MAP3K5: variants seen among roughly 807,000 people sequenced by gnomAD.
The protein encoded by MAP3K5 is mitogen-activated protein kinase kinase kinase 5.
In MAP3K5, 56 loss-of-function variants were observed where a neutral mutation model predicts 158.7. That is an observed-to-expected ratio of 0.35 (90% CI 0.28 to 0.44). The LOEUF is 0.44. Ranked by LOEUF, MAP3K5 falls within the 20% of genes least tolerant of loss-of-function variation. MAP3K5 has a pLI of 1.00. For synonymous variants in MAP3K5, 579 were observed against 601.7 expected (o/e 0.96, Z 0.55); for missense variants, 1,294 against 1,674.8 (o/e 0.77, Z 3.97).
At chr6:136,670,321 C>T (rs1779427790) in intron 7 of MAP3K5, among the ~76,000 whole-genome samples, 1 of 151,984 alleles carries the variant, frequency 6.6e-6, no homozygotes. Context: ...TATAATTTCA[C>T]TTAGGTATAT....
At position 136,697,380 on chromosome 6, in the gene MAP3K5, A is replaced by C. The variant is rs1478193524; in HGVS notation, c.814T>G (p.Phe272Val). Reference sequence around the variant, plus strand: ...ATGTCATTGAGTATAGATTCCCGGAAGTACTGGCTGGTAAAAACACACACA... The same window carrying C: ...ATGTCATTGAGTATAGATTCCCGGACGTACTGGCTGGTAAAAACACACACA... ...KVAQASSSQYFRESILNDIRK... is the reference protein window; with the variant it reads ...KVAQASSSQYVRESILNDIRK... Residue 272 changes from phenylalanine to valine, a missense_variant, in exon 5 of 30, where the codon TTC becomes GTC. Physicochemically the swap from Phe to Val is conservative, Grantham distance 50. This residue lies in a region of MAP3K5 where 690 missense variants were observed against 870.5 expected (regional missense o/e 0.79). Transcript: ENST00000359015. The C allele has an allele frequency of 1.2e-6, 2 of 1,601,232 alleles. No individual in the cohort carries two copies. The highest frequency in any genetic ancestry group is 1.7e-6 in the Non-Finnish European group (2 of 1,172,824).
chr6:136,735,589 G>A (rs2114848598), intron 1 of MAP3K5, among the ~76,000 whole-genome samples: 1 of 152,294 alleles, frequency 6.6e-6, no homozygotes, highest in Admixed American at 6.5e-5. Flanking sequence ...CCAGCACTTT[G>A]CGAGGCTGAG....
At chr6:136,606,217 G>A (rs1776094099) in intron 18 of MAP3K5, among the ~76,000 whole-genome samples, 1 of 152,160 alleles carries the variant, frequency 6.6e-6, no homozygotes, top group Non-Finnish European at 1.5e-5. Context: ...CGGGCTTGGT[G>A]GCGGGCACCT....
intron 1 of MAP3K5, among the ~76,000 whole-genome samples, chr6:136,760,790 C>T (rs183825713): frequency 5.3e-4 from 80 of 152,202 alleles, no homozygotes; most frequent in Admixed American, 1.0e-3. Flanking sequence ...GTCAATGTGT[C>T]GAAACCCTGT....
intron 18 of MAP3K5, among the ~76,000 whole-genome samples, chr6:136,608,788 G>A (rs1363656827): frequency 6.6e-6 from 1 of 152,192 alleles, no homozygotes; most frequent in Non-Finnish European, 1.5e-5. Flanking sequence ...AAAGCACTTA[G>A]TGCAGAGCAA....
chr6:136,718,131 C>T (rs531998825), intron 2 of MAP3K5, among the ~76,000 whole-genome samples: 2 of 152,186 alleles, frequency 1.3e-5, no homozygotes, highest in Admixed American at 6.5e-5. Flanking sequence ...CTTTGAGCTT[C>T]GGTTTGTGAT....
chr6:136,722,672 T>C (rs1781793910), intron 1 of MAP3K5, among the ~76,000 whole-genome samples: 1 of 140,392 alleles, frequency 7.1e-6, no homozygotes, highest in Non-Finnish European at 1.6e-5. Context: ...CTTTTTTTTT[T>C]CCTTTTTTTT....
rs1207200126 is a variant in MAP3K5 at position 136,558,348 on chromosome 6, C to T, written c.4064+452G>A. Among the ~76,000 whole-genome samples, 5 of 150,976 alleles carry T rather than the reference C, an allele frequency of 3.3e-5. No individual in the cohort carries two copies. In the South Asian group the frequency reaches 6.3e-4, roughly 19 times the overall value. ...GAGCTGAGATCACGCCACTGCACTCCAGCCTGGGTGACAGAGTGAGACTCC... is the reference window on the plus strand; with the variant it reads ...GAGCTGAGATCACGCCACTGCACTCTAGCCTGGGTGACAGAGTGAGACTCC... On this transcript the variant is annotated intron_variant, in intron 29 of 29. Coordinates refer to ENST00000359015, the MANE Select transcript of MAP3K5 (RefSeq NM_005923.4).
chr6:136,706,875 C>A lies in MAP3K5; in HGVS notation c.589-1742G>T, dbSNP rs1291938842. 2.0e-5 allele frequency among the ~76,000 whole-genome samples: 3 copies of A among 152,164 alleles called. No individual in the cohort carries two copies. In the East Asian group the frequency reaches 5.8e-4, roughly 29 times the overall value. ...ACAAAACACTAAAAATGCCTGGTGC[C>A]GTGGCTGACGCCTGTAAATCTCAGC... On this transcript the variant is annotated intron_variant, in intron 2 of 29. Coordinates refer to ENST00000359015, the MANE Select transcript of MAP3K5 (RefSeq NM_005923.4).
chr6:136,560,777 A>G (rs536022061), intron 28 of MAP3K5, among the ~76,000 whole-genome samples: 1 of 151,608 alleles, frequency 6.6e-6, no homozygotes, highest in African/African-American at 2.4e-5. Context: ...GCGAGACCCT[A>G]TCTCTAAATT....
chr6:136,692,819 G>T (rs926582957), intron 7 of MAP3K5, among the ~76,000 whole-genome samples: 1 of 152,116 alleles, frequency 6.6e-6, no homozygotes, highest in African/African-American at 2.4e-5. Context: ...AGCCAGGCGT[G>T]GTGGCACACA....
chr6:136,754,909 A>G (rs994252251), intron 1 of MAP3K5, among the ~76,000 whole-genome samples: 4 of 152,082 alleles, frequency 2.6e-5, no homozygotes, highest in Non-Finnish European at 5.9e-5. Flanking sequence ...TGGGGAAACC[A>G]TTATTCTATT....
intron 18 of MAP3K5, among the ~76,000 whole-genome samples, chr6:136,608,796 C>T (rs1001954014): frequency 2.3e-4 from 35 of 152,172 alleles, no homozygotes; most frequent in African/African-American, 8.4e-4. Context: ...TAGTGCAGAG[C>T]AAGGTAACAC....
At position 136,639,581 on chromosome 6, in the gene MAP3K5, A is replaced by G. The variant is rs533581697; in HGVS notation, c.1896T>C (p.Asp632=). ...GTTCTGTACAGAAATAGATTTGGAA[A>G]TCATCAGAATTGTGAAGCACATAAA... ...CFLYVLHNSD[D]FQIYFCTELH... Residue 632 remains aspartate, a synonymous_variant, in exon 13 of 30, where the codon GAT becomes GAC. Coordinates refer to ENST00000359015, the MANE Select transcript of MAP3K5 (RefSeq NM_005923.4). 1 of 1,598,906 alleles carries G rather than the reference A, an allele frequency of 6.3e-7. No homozygotes were observed. The highest frequency in any genetic ancestry group is 1.8e-5 in the Admixed American group (1 of 55,548).
chr6:136,688,169 A>G (rs1780234233), intron 7 of MAP3K5, among the ~76,000 whole-genome samples: 3 of 152,204 alleles, frequency 2.0e-5, no homozygotes, highest in African/African-American at 7.2e-5. Flanking sequence ...TAACACAGGA[A>G]CAGAAAACCA....
intron 1 of MAP3K5, among the ~76,000 whole-genome samples, chr6:136,728,746 C>G (rs74765605): frequency 0.031 from 4,726 of 152,258 alleles, 70 homozygotes; most frequent in Middle Eastern, 0.054. Flanking sequence ...CCCAACCCAG[C>G]CCTAATTTTC....
intron 19 of MAP3K5, among the ~76,000 whole-genome samples, 156 bp from the exon 20 acceptor site, chr6:136,602,135 C>T (rs182898506): frequency 2.6e-5 from 4 of 152,272 alleles, no homozygotes; most frequent in Admixed American, 2.6e-4. Context: ...GATGTGTTTG[C>T]TGCAGGTTAT....
chr6:136,614,359 T>C, intron 15 of MAP3K5, 73 bp from the exon 16 acceptor site: 2 of 1,537,776 alleles, frequency 1.3e-6, no homozygotes. Context: ...ACAATACAAA[T>C]GGAAAATGTC....
chr6:136,650,129 C>A (rs936376395), intron 11 of MAP3K5, among the ~76,000 whole-genome samples: 8 of 152,176 alleles, frequency 5.3e-5, no homozygotes, highest in Admixed American at 5.2e-4. Flanking sequence ...ACAGCTGTTT[C>A]CCTAGGGTCT....
Sources: allele counts gnomAD v4.1 joint callset (sites outside exome capture counted in the v4.1 genomes callset), GRCh38; gene constraint gnomAD v4.1.1; regional missense constraint gnomAD v4.1.1; transcripts MANE v1.5; gene names NCBI Gene and HGNC (gene_info 2026-07-23, HGNC 2026-07-21).